The following OTOGL variants were observed in gnomAD, a reference collection of about 807,000 sequenced individuals.
OTOGL encodes otogelin-like protein.
Under a neutral mutation model 318.5 loss-of-function variants are expected in OTOGL, and 285 were observed. The observed-to-expected ratio is 0.89, with a 90% CI of 0.81 to 0.99. The LOEUF (loss-of-function observed/expected upper bound fraction) is 0.99, where lower values mean the gene tolerates loss of function less well. OTOGL is among the 50% of genes least tolerant of loss of function. The pLI is 0.00. For missense variants in OTOGL, 2,899 were observed against 2,845.6 expected (o/e 1.02, Z -0.43); for synonymous variants, 987 against 936.5 (o/e 1.05, Z -0.99).
chr12:80,102,230 C>CGATCTA (rs2137064792), intron 1 of OTOGL, among the ~76,000 whole-genome samples: 1 of 152,276 alleles, frequency 6.6e-6, no homozygotes, highest in South Asian at 2.1e-4. Flanking sequence ...ATACTTGCTA[C>CGATCTA]GATCTATCAA....
At chr12:80,262,736 A>G (rs1205026860) in intron 19 of OTOGL, among the ~76,000 whole-genome samples, 1 of 152,162 alleles carries the variant, frequency 6.6e-6, no homozygotes, top group Non-Finnish European at 1.5e-5. Context: ...AAAGATATAC[A>G]TGTATATATT....
intron 54 of OTOGL, 95 bp from the exon 55 acceptor site, chr12:80,368,110 A>C: frequency 1.1e-6 from 1 of 891,870 alleles, no homozygotes. Flanking sequence ...TTGTCTGGAA[A>C]GAGCTTGTAG....
At chr12:80,201,187 G>T (rs1226744958) in intron 1 of OTOGL, among the ~76,000 whole-genome samples, 1 of 152,174 alleles carries the variant, frequency 6.6e-6, no homozygotes, top group Non-Finnish European at 1.5e-5. Flanking sequence ...CCTCTTTGAG[G>T]TTGTTTCTGG....
chr12:80,176,818 A>G (rs924390356), intron 1 of OTOGL, among the ~76,000 whole-genome samples: 82 of 152,108 alleles, frequency 5.4e-4, no homozygotes, highest in African/African-American at 1.9e-3. Flanking sequence ...AAAAATTGTC[A>G]AACTCTTTTC....
intron 1 of OTOGL, among the ~76,000 whole-genome samples, chr12:80,154,357 T>A (rs918793458): frequency 6.6e-6 from 1 of 152,122 alleles, no homozygotes; most frequent in East Asian, 1.9e-4. Flanking sequence ...AATGCCCATA[T>A]GAAAGAAAAA....
intron 54 of OTOGL, among the ~76,000 whole-genome samples, chr12:80,367,940 A>G (rs1197167291): frequency 1.3e-5 from 2 of 152,120 alleles, no homozygotes; most frequent in Non-Finnish European, 2.9e-5. Flanking sequence ...GAGTCTTATT[A>G]TCTACAGCTT....
intron 26 of OTOGL, among the ~76,000 whole-genome samples, chr12:80,291,224 T>C (rs1370827133): frequency 2.0e-5 from 3 of 152,190 alleles, no homozygotes; most frequent in East Asian, 1.9e-4. Flanking sequence ...AGACGTACCA[T>C]AGTTTCTTTT....
At chr12:80,264,720 T>C (rs1397979926) in intron 19 of OTOGL, among the ~76,000 whole-genome samples, 1 of 152,194 alleles carries the variant, frequency 6.6e-6, no homozygotes, top group African/African-American at 2.4e-5. Flanking sequence ...ATGATCCTCA[T>C]GCAATGGGAT....
At chr12:80,132,035 C>T (rs1291569289) in intron 1 of OTOGL, 1 of 152,174 alleles carries the variant, frequency 6.6e-6, no homozygotes, top group Non-Finnish European at 1.5e-5. Flanking sequence ...TTGGAATGTA[C>T]ATTCTCTGCC....
intron 26 of OTOGL, among the ~76,000 whole-genome samples, chr12:80,282,950 G>A (rs569646625): frequency 6.6e-6 from 1 of 151,936 alleles, no homozygotes; most frequent in Non-Finnish European, 1.5e-5. Flanking sequence ...CAAGGACCAA[G>A]TCTTGCTCAT....
At position 80,256,466 on chromosome 12, in the gene OTOGL, A is replaced by G. The variant is rs1033311401; in HGVS notation, c.1711+6A>G. The G allele has an allele frequency of 1.2e-5, 19 of 1,571,920 alleles. No homozygotes were observed. The highest frequency in any genetic ancestry group is 5.4e-5 in the Admixed American group (3 of 55,532). ...CCAAGGCTTCAACCTGAATGGTAAG[A>G]AACAGTGCTAATGGTGTACTTTCTT... On this transcript the variant is annotated splice_donor_region_variant and intron_variant, in intron 17 of 58. Transcript: ENST00000547103.
At position 80,164,953 on chromosome 12, in the gene OTOGL, T is replaced by G. The variant is rs564907983; in HGVS notation, c.-19-44460T>G. ...GGAAAAAAGGGGAAATTTCTTGGTA[T>G]GAAGAGGATATTCAACAAAGATGAA... is the stretch of plus-strand genomic sequence containing the variant. On this transcript the variant is annotated intron_variant, in intron 1 of 58. Transcript: ENST00000547103. 2.6e-5 allele frequency among the ~76,000 whole-genome samples: 4 copies of G among 152,224 alleles called. No homozygotes were observed. The South Asian group carries it at 8.3e-4, about 32-fold the overall frequency.
chr12:80,184,536 A>G (rs1875152356), intron 1 of OTOGL, among the ~76,000 whole-genome samples: 1 of 152,216 alleles, frequency 6.6e-6, no homozygotes, highest in Non-Finnish European at 1.5e-5. Context: ...GTCTGAAGCT[A>G]GACTTTCTAG....
intron 1 of OTOGL, among the ~76,000 whole-genome samples, chr12:80,160,294 T>C (rs1873419046): frequency 6.6e-6 from 1 of 151,740 alleles, no homozygotes; most frequent in African/African-American, 2.4e-5. Flanking sequence ...GTCAGCAGAG[T>C]AAATAGACAA....
chr12:80,221,517 C>T (rs1878337072), intron 6 of OTOGL, among the ~76,000 whole-genome samples: 1 of 152,074 alleles, frequency 6.6e-6, no homozygotes, highest in South Asian at 2.1e-4. Context: ...AACCTGCCCA[C>T]CTTGGCCTAC....
intron 1 of OTOGL, among the ~76,000 whole-genome samples, chr12:80,157,758 G>A (rs967628294): frequency 6.6e-6 from 1 of 152,038 alleles, no homozygotes. Flanking sequence ...TTGTTTCTGG[G>A]TTCTCTATTC....
intron 7 of OTOGL, among the ~76,000 whole-genome samples, chr12:80,228,203 G>A (rs1205244610): frequency 6.6e-6 from 1 of 152,152 alleles, no homozygotes; most frequent in Non-Finnish European, 1.5e-5. Context: ...CACTTTGGGA[G>A]GCTGAGGTGG....
intron 7 of OTOGL, among the ~76,000 whole-genome samples, chr12:80,223,964 C>A (rs1243956760): frequency 2.0e-5 from 3 of 151,852 alleles, no homozygotes; most frequent in Non-Finnish European, 4.4e-5. Context: ...TTTGTTTCTG[C>A]TGTATTTGCT....
chr12:80,258,082 A>G (rs1173761617), intron 18 of OTOGL, 80 bp downstream of exon 18: 1 of 1,246,070 alleles, frequency 8.0e-7, no homozygotes, highest in Non-Finnish European at 1.1e-6. Context: ...ATGTTTACTT[A>G]ACTAATAATT....
Sources: gnomAD v4.1 joint callset for allele counts (sites outside exome capture counted in the v4.1 genomes callset) on GRCh38, gnomAD v4.1.1 for gene constraint, MANE v1.5 for transcripts, NCBI Gene and HGNC (gene_info 2026-07-23, HGNC 2026-07-21) for gene names.